ACSM3: variants seen among roughly 807,000 people sequenced by gnomAD.
ACSM3 encodes the protein acyl-CoA synthetase medium chain family member 3, also known as acyl-coenzyme A synthetase ACSM3, mitochondrial.
In ACSM3, 61 loss-of-function variants were observed where a neutral mutation model predicts 74.1. The ratio of observed to expected loss-of-function variants is 0.82; its 90% CI spans 0.67 to 1.02. The LOEUF (loss-of-function observed/expected upper bound fraction) is 1.02. Ranked by LOEUF, ACSM3 falls within the 50% of genes least tolerant of loss-of-function variation. ACSM3 has a pLI of 0.00. For missense variants in ACSM3, 660 were observed against 697.0 expected, an observed-to-expected ratio of 0.95 and a Z score of 0.60; for synonymous variants, 213 against 241.5, an observed-to-expected ratio of 0.88 and a Z score of 1.09.
At chr16:20,726,545 A>G (rs1334142203) in intron 1 of ACSM3, among the ~76,000 whole-genome samples, 2 of 152,224 alleles carry the variant, frequency 1.3e-5, no homozygotes, top group East Asian at 3.8e-4. Context: ...TTCTGAATGC[A>G]TATGATTTGT....
intron 1 of ACSM3, chr16:20,738,093 C>A: frequency 1.2e-6 from 1 of 827,562 alleles, no homozygotes; most frequent in Non-Finnish European, 1.9e-6. Context: ...TCTACCTAGT[C>A]ATTCTTTCCA....
intron 1 of ACSM3, among the ~76,000 whole-genome samples, chr16:20,705,000 G>A (rs1325180961): frequency 6.6e-6 from 1 of 152,214 alleles, no homozygotes; most frequent in Non-Finnish European, 1.5e-5. Flanking sequence ...GTATCTTGAA[G>A]TGAAATGTAC....
chr16:20,761,922 T>C (rs60388194), upstream of ACSM3, among the ~76,000 whole-genome samples: 20,196 of 152,202 alleles, frequency 0.13, 1,393 homozygotes, highest in East Asian at 0.21. Flanking sequence ...ATTGCACATG[T>C]GGCCCCTCCC....
Position 20,790,589 on chromosome 16 carries a change from T to G in ACSM3, c.1227T>G (p.Ile409Met). Reference protein sequence around the residue: ...GKPSPAFDVKIVDVNGNVLPP... With the variant: ...GKPSPAFDVKMVDVNGNVLPP... ...TAAATTGTTCTATTTTATCCTAGAT[T>G]GTAGATGTAAATGGCAATGTTCTAC... The change falls in exon 10 of 14, where the codon ATT becomes ATG. Residue 409 changes from isoleucine to methionine, a missense_variant and splice_region_variant. By Grantham distance (10) the Ile-to-Met change is conservative (BLOSUM62 1). Coordinates refer to ENST00000289416, the MANE Select transcript of ACSM3 (RefSeq NM_005622.4). This position sits in a 1 kb window ranked among gnomAD's most constrained non-coding sequence, Gnocchi z 4.0. The G allele has an allele frequency of 1.9e-6, 3 of 1,613,256 alleles. No homozygotes were observed. Among genetic ancestry groups the G allele is most frequent in the Non-Finnish European group, 1.7e-6 (2 of 1,179,186 alleles).
chr16:20,692,357 G>A (rs1199238743), intron 1 of ACSM3, among the ~76,000 whole-genome samples: 1 of 152,072 alleles, frequency 6.6e-6, no homozygotes, highest in African/African-American at 2.4e-5. Context: ...CAGAAAGGTG[G>A]GAAAACCTAA....
chr16:20,686,775 G>C (rs1023781002), intron 1 of ACSM3, among the ~76,000 whole-genome samples: 1 of 151,270 alleles, frequency 6.6e-6, no homozygotes, highest in African/African-American at 2.4e-5. Context: ...CTGCATTCCA[G>C]CCTGGGAGAC....
At chr16:20,688,422 A>G (rs1013432772) in intron 1 of ACSM3, among the ~76,000 whole-genome samples, 1 of 152,178 alleles carries the variant, frequency 6.6e-6, no homozygotes, top group African/African-American at 2.4e-5. Context: ...CCCAAATTTG[A>G]GACAATGCAT....
rs1480683128 is a variant in ACSM3 at position 20,741,832 on chromosome 16, A to G, written c.-189-8078A>G. 2.6e-6 allele frequency: 4 copies of G among 1,539,160 alleles called. No homozygotes were observed. In the East Asian group the frequency reaches 7.3e-5, roughly 28 times the overall value. On this transcript the variant is annotated intron_variant, in intron 1 of 3. Coordinates refer to the ACSM3 transcript ENST00000561584. ...GCGCGAACTGGTGACGTCGGATATG[A>G]GCGACGGCCTCCCCTAGCCGGCCTC...
intron 1 of ACSM3, among the ~76,000 whole-genome samples, chr16:20,727,938 C>T (rs1038374549): frequency 2.0e-5 from 3 of 152,230 alleles, no homozygotes; most frequent in African/African-American, 2.4e-5. Flanking sequence ...ATTAGAAACT[C>T]TGGGATGAGG....
chr16:20,716,052 A>G (rs1224591341), intron 1 of ACSM3, among the ~76,000 whole-genome samples: 2 of 150,844 alleles, frequency 1.3e-5, no homozygotes, highest in Non-Finnish European at 3.0e-5. Flanking sequence ...GTTACCCCCC[A>G]GGGAAAGTGA....
rs2080252331 is a variant in ACSM3 at position 20,776,052 on chromosome 16, T to C, written c.430+3T>C. 1 of 1,613,886 alleles carries C rather than the reference T, an allele frequency of 6.2e-7. No homozygotes were observed. Among genetic ancestry groups the C allele is most frequent in the Non-Finnish European group, 8.5e-7 (1 of 1,179,826 alleles). On this transcript the variant is annotated splice_donor_region_variant and intron_variant, in intron 3 of 13. Coordinates refer to ENST00000289416, the MANE Select transcript of ACSM3 (RefSeq NM_005622.4). ...AAATGTGGCCTGTCTGCGAACAGGT[T>C]AGTAATGTTTGCTTTCCGATCATAT...
chr16:20,720,588 G>C (rs954746157), intron 1 of ACSM3, among the ~76,000 whole-genome samples: 1 of 152,160 alleles, frequency 6.6e-6, no homozygotes, highest in African/African-American at 2.4e-5. Flanking sequence ...ACCGGTCTGT[G>C]GCCTGGGTGT....
intron 1 of ACSM3, among the ~76,000 whole-genome samples, chr16:20,733,253 G>A (rs1345711179): frequency 6.6e-6 from 1 of 152,074 alleles, no homozygotes; most frequent in African/African-American, 2.4e-5. Context: ...GAAAAAGAAA[G>A]TGCACAATGA....
At position 20,797,078 on chromosome 16, in the gene ACSM3, G is replaced by T. The variant is rs1276643503; in HGVS notation, c.*106G>T. 1.4e-6 allele frequency: 2 copies of T among 1,442,534 alleles called. No individual in the cohort carries two copies. The highest frequency in any genetic ancestry group is 1.8e-6 in the Non-Finnish European group (2 of 1,102,138). 89.4% of individuals were successfully genotyped at this position (1,442,534 alleles called of 1,614,324 possible). ...CATAAAAACTGTGGTAGTATGCTTA[G>T]AAACTGTTGATTTAAAATATCTTGT... On this transcript the variant is annotated 3_prime_UTR_variant, in exon 14 of 14. Coordinates refer to ENST00000289416, the MANE Select transcript of ACSM3 (RefSeq NM_005622.4).
intron 1 of ACSM3, among the ~76,000 whole-genome samples, chr16:20,686,335 G>A (rs1005631246): frequency 3.3e-5 from 5 of 152,096 alleles, no homozygotes; most frequent in African/African-American, 9.7e-5. Context: ...CAGATGGACT[G>A]AAATAGCTTC....
At chr16:20,737,953 G>T in intron 1 of ACSM3, 1 of 1,573,190 alleles carries the variant, frequency 6.4e-7, no homozygotes, top group African/African-American at 1.4e-5. Context: ...CAATTTCTCA[G>T]GCTCTTAAGA....
chr16:20,777,180 CA>C (rs1232515502), intron 3 of ACSM3, among the ~76,000 whole-genome samples, 192 bp from the exon 4 acceptor site: 1 of 152,022 alleles, frequency 6.6e-6, no homozygotes, highest in Non-Finnish European at 1.5e-5. Context: ...CATGTTAAGC[CA>C]AAAGGGTCAT....
chr16:20,785,335 AG>A (rs934470163), intron 8 of ACSM3, among the ~76,000 whole-genome samples: 1 of 152,230 alleles, frequency 6.6e-6, no homozygotes, highest in Non-Finnish European at 1.5e-5. Context: ...GATCAGAGTA[AG>A]GGCATTACAA....
chr16:20,722,215 TTAAGG>T lies in ACSM3; in HGVS notation c.-189-27691_-189-27687del, dbSNP rs571889230. On this transcript the variant is annotated intron_variant, in intron 1 of 3. Coordinates refer to the ACSM3 transcript ENST00000561584. Reference sequence around the variant, plus strand: ...TATGAGCCTTTTTTAAATGTGCTGGTTAAGGTAACAATAATTGGTAAGATTAAGGG... The same window carrying T: ...TATGAGCCTTTTTTAAATGTGCTGGTTAACAATAATTGGTAAGATTAAGGG... 203 of 152,354 alleles carry T rather than the reference TTAAGG, an allele frequency of 1.3e-3. 1 individual carries two copies. The highest frequency in any genetic ancestry group is 4.7e-3 in the African/African-American group (196 of 41,580). 9.4% of individuals were successfully genotyped at this position (152,354 alleles called of 1,614,324 possible).
Sources: gnomAD v4.1 joint callset for allele counts (sites outside exome capture counted in the v4.1 genomes callset) on GRCh38, gnomAD v4.1.1 for gene constraint, Gnocchi (gnomAD v3.1) non-coding constraint, MANE v1.5 for transcripts, NCBI Gene and HGNC (gene_info 2026-07-23, HGNC 2026-07-21) for gene names.